GALNT14: variants seen among roughly 807,000 people sequenced by gnomAD.
GALNT14 encodes UDP-GalNAc:polypeptide N-acetylgalactosaminyltransferase 14.
In GALNT14, 60 loss-of-function variants were observed where a neutral mutation model predicts 77.5. The observed-to-expected ratio is 0.77, with a 90% CI of 0.63 to 0.96. The LOEUF (loss-of-function observed/expected upper bound fraction) is 0.96. Among genes scored for constraint, GALNT14 ranks in the 40% least tolerant of loss-of-function variants. GALNT14 has a pLI of 0.00. For synonymous variants in GALNT14, 280 were observed against 281.7 expected, an observed-to-expected ratio of 0.99 and a Z score of 0.06; for missense variants, 710 against 731.0, an observed-to-expected ratio of 0.97 and a Z score of 0.33.
At chr2:31,132,859 A>T in intron 1 of GALNT14, 1 of 376,184 alleles carries the variant, frequency 2.7e-6, no homozygotes. Flanking sequence ...AAAATTCTAA[A>T]CCTCCCCAGT....
Position 31,038,100 on chromosome 2 carries a change from T to A in GALNT14, c.130-45093A>T, listed in dbSNP as rs1481821308. On this transcript the variant is annotated intron_variant, in intron 1 of 14. Coordinates refer to ENST00000349752, the MANE Select transcript of GALNT14 (RefSeq NM_024572.4). The stretch of plus-strand genomic sequence containing the variant: ...TATATATATATTTTTTTTTTTTTTT[T>A]TTTTTTTTTTTTTAGATGGAGTCTT... Among the ~76,000 whole-genome samples, 201 of 89,730 alleles carry A rather than the reference T, an allele frequency of 2.2e-3. 2 individuals carry two copies. Among genetic ancestry groups the A allele is most frequent in the African/African-American group, 7.5e-3 (148 of 19,730 alleles). 58.9% of individuals were successfully genotyped at this position (89,730 alleles called of 152,430 possible). A position where few individuals can be genotyped will look rare whatever the true frequency, so the allele number is the denominator to read the frequency against.
At chr2:30,897,103 C>A in the GALNT14 span, among the ~76,000 whole-genome samples, 1 of 152,282 alleles carries the variant, frequency 6.6e-6, no homozygotes, top group East Asian at 1.9e-4. Flanking sequence ...GTCCCCTTCC[C>A]AGCTTTACCT....
chr2:31,115,061 AC>A (rs1422903673), intron 1 of GALNT14, among the ~76,000 whole-genome samples: 3 of 152,106 alleles, frequency 2.0e-5, no homozygotes, highest in Admixed American at 2.0e-4. Flanking sequence ...AGCCTGGGCA[AC>A]CTAGCAAGAC....
At position 30,966,265 on chromosome 2, in the gene GALNT14, T is replaced by C. The variant is rs1278880945; in HGVS notation, c.337A>G (p.Thr113Ala). ...TTGTGGAAGGTGATGATGATGCTAG[T>C]GGGTGGAAGGTCCGTGCAATACACC... ...LLVYCTDLPPTSIIITFHNEA... is the reference protein window; with the variant it reads ...LLVYCTDLPPASIIITFHNEA... Residue 113 changes from threonine to alanine, a missense_variant, in exon 3 of 15, where the codon ACT becomes GCT. Thr to Ala is a moderately conservative substitution (Grantham distance 58). Coordinates refer to ENST00000349752, the MANE Select transcript of GALNT14 (RefSeq NM_024572.4). 1.2e-6 allele frequency: 2 copies of C among 1,613,908 alleles called. No individual in the cohort carries two copies. The highest frequency in any genetic ancestry group is 2.2e-5 in the East Asian group (1 of 44,844).
At chr2:31,024,977 G>C (rs1393249903) in intron 1 of GALNT14, among the ~76,000 whole-genome samples, 1 of 152,190 alleles carries the variant, frequency 6.6e-6, no homozygotes, top group Admixed American at 6.5e-5. Context: ...CTCTACCATG[G>C]ACTGCTGTGT....
intron 1 of GALNT14, among the ~76,000 whole-genome samples, chr2:31,040,178 T>C (rs371695687): frequency 1.6e-4 from 24 of 152,348 alleles, no homozygotes; most frequent in East Asian, 1.2e-3. Context: ...TTGAGATACA[T>C]GACAGAAAAA....
In GALNT14 at chr2:30,985,446, T is replaced by C. The variant is rs1228732271; in HGVS notation, c.299+7392A>G. Among the ~76,000 whole-genome samples, 3 of 152,154 alleles carry C rather than the reference T, an allele frequency of 2.0e-5. No homozygotes were observed. The East Asian group carries it at 5.8e-4, about 29-fold the overall frequency. On this transcript the variant is annotated intron_variant, in intron 2 of 14. Transcript: ENST00000349752. ...TGACCCAGAGGCCCTTGCTAACTCC[T>C]GTGCTTTGCTACGTGGCCAAGACAA... is the stretch of plus-strand genomic sequence containing the variant.
intron 6 of GALNT14, among the ~76,000 whole-genome samples, chr2:30,953,826 T>C (rs577657645): frequency 1.3e-5 from 2 of 152,324 alleles, no homozygotes; most frequent in East Asian, 1.9e-4. Flanking sequence ...TTGATTCATT[T>C]ACCGGTAGGA....
At chr2:30,896,688 T>C in the GALNT14 span, among the ~76,000 whole-genome samples, 2 of 152,168 alleles carry the variant, frequency 1.3e-5, no homozygotes, top group African/African-American at 4.8e-5. Flanking sequence ...GCCTGGTTAT[T>C]GGATACTCAA....
chr2:30,947,628 C>T (rs1488789984), intron 6 of GALNT14, among the ~76,000 whole-genome samples: 2 of 152,206 alleles, frequency 1.3e-5, no homozygotes, highest in African/African-American at 4.8e-5. Flanking sequence ...ACCAGCAGGT[C>T]CCTGGGAACC....
chr2:31,052,281 G>A (rs1268065104), intron 1 of GALNT14, among the ~76,000 whole-genome samples: 1 of 152,128 alleles, frequency 6.6e-6, no homozygotes. Flanking sequence ...CTGTACTTCT[G>A]TGAGCCTTGG....
At chr2:30,921,031 A>G (rs1024388254) in intron 13 of GALNT14, among the ~76,000 whole-genome samples, 5 of 152,214 alleles carry the variant, frequency 3.3e-5, no homozygotes, top group African/African-American at 1.2e-4. Context: ...CATGCCCAGG[A>G]TGAGTGTGAG....
At chr2:30,998,350 C>T (rs990717064) in intron 1 of GALNT14, among the ~76,000 whole-genome samples, 1 of 152,110 alleles carries the variant, frequency 6.6e-6, no homozygotes, top group Non-Finnish European at 1.5e-5. Flanking sequence ...CTCTGAAATC[C>T]TGGTGTATCC....
At chr2:31,076,614 T>C (rs1417594339) in intron 1 of GALNT14, among the ~76,000 whole-genome samples, 8 of 100,304 alleles carry the variant, frequency 8.0e-5, no homozygotes, top group Admixed American at 5.0e-4. Flanking sequence ...TGTGTATACA[T>C]ATATATATAT....
At chr2:31,065,828 G>C (rs1206623255) in intron 1 of GALNT14, among the ~76,000 whole-genome samples, 2 of 152,188 alleles carry the variant, frequency 1.3e-5, no homozygotes, top group Non-Finnish European at 2.9e-5. Flanking sequence ...CAGAAGTCAA[G>C]AGGCAGACCT....
At chr2:30,903,170 T>C in the GALNT14 span, among the ~76,000 whole-genome samples, 1 of 152,204 alleles carries the variant, frequency 6.6e-6, no homozygotes, top group African/African-American at 2.4e-5. Context: ...ACTTTCCAAG[T>C]CTATAGCAGT....
At chr2:30,940,917 G>A (rs906530651) in intron 9 of GALNT14, among the ~76,000 whole-genome samples, 3 of 152,204 alleles carry the variant, frequency 2.0e-5, no homozygotes, top group East Asian at 1.9e-4. Context: ...TGTATGGCAG[G>A]AGACTGACTT....
At position 30,980,084 on chromosome 2, in the gene GALNT14, C is replaced by T. The variant is rs1224567582; in HGVS notation, c.299+12754G>A. On this transcript the variant is annotated intron_variant, in intron 2 of 14. Transcript: ENST00000349752. ...GAATGTTCAGAGCCAGGAGCCAAGGCCGAGGCCCAGAGCTCTCTAAGGACT... is the reference window on the plus strand; with the variant it reads ...GAATGTTCAGAGCCAGGAGCCAAGGTCGAGGCCCAGAGCTCTCTAAGGACT... Among the ~76,000 whole-genome samples, 3 of 152,324 alleles carry T rather than the reference C, an allele frequency of 2.0e-5. No homozygotes were observed. In the South Asian group the frequency reaches 6.2e-4, roughly 32 times the overall value.
Position 30,945,767 on chromosome 2 carries a change from T to C in GALNT14, c.742+16A>G. On this transcript the variant is annotated intron_variant, in intron 7 of 14. Coordinates refer to ENST00000349752, the MANE Select transcript of GALNT14 (RefSeq NM_024572.4). The stretch of plus-strand genomic sequence containing the variant: ...AAGAAAATCCTTACTGGGGAGGAGG[T>C]GTTAGCCCAACTCACCCCCTCTGAG... 1 of 1,601,026 alleles carries C rather than the reference T, an allele frequency of 6.2e-7. No homozygotes were observed. Among genetic ancestry groups the C allele is most frequent in the African/African-American group, 1.3e-5 (1 of 74,650 alleles).
Sources: allele counts gnomAD v4.1 joint callset (sites outside exome capture counted in the v4.1 genomes callset), GRCh38; gene constraint gnomAD v4.1.1; transcripts MANE v1.5; gene names NCBI Gene and HGNC (gene_info 2026-07-23, HGNC 2026-07-21).